The following TAF4 variants were observed in gnomAD, a reference collection of about 807,000 sequenced individuals.
TAF4 encodes the protein transcription initiation factor TFIID subunit 4.
Under a neutral mutation model 90.3 loss-of-function variants are expected in TAF4, and 9 were observed. The observed-to-expected ratio is 0.10, with a 90% confidence interval of 0.06 to 0.17. The LOEUF (loss-of-function observed/expected upper bound fraction) is 0.17. Among genes scored for constraint, TAF4 ranks in the 10% least tolerant of loss-of-function variants. The probability of loss-of-function intolerance (pLI) is 1.00; values close to 1 mark genes in which losing one functional copy is unlikely to be tolerated. For synonymous variants in TAF4, 818 were observed against 638.9 expected (o/e 1.28, Z -4.23); for missense variants, 1,351 against 1,370.7 (o/e 0.99, Z 0.23).
intron 1 of TAF4, among the ~76,000 whole-genome samples, chr20:62,040,082 TAA>T (rs2055955232): frequency 1.3e-5 from 2 of 152,216 alleles, no homozygotes; most frequent in African/African-American, 4.8e-5. Context: ...CTTCAGAAAT[TAA>T]TATTCATTTG....
chr20:62,028,523 G>A (rs1328910198), intron 1 of TAF4, among the ~76,000 whole-genome samples: 5 of 152,120 alleles, frequency 3.3e-5, no homozygotes, highest in African/African-American at 7.2e-5. Flanking sequence ...ATGTGCGTAC[G>A]GGGCCCTGGA....
In TAF4 at chr20:62,006,781, G is replaced by C. The variant is rs2055748931; in HGVS notation, c.1975-23C>G. 1.4e-6 allele frequency: 2 copies of C among 1,456,790 alleles called. No homozygotes were observed. Among genetic ancestry groups the C allele is most frequent in the Non-Finnish European group, 1.8e-6 (2 of 1,095,752 alleles). The allele number at this position is 1,456,790 out of a possible 1,614,324, so 90.2% of individuals were successfully genotyped here. On this transcript the variant is annotated intron_variant, in intron 6 of 14. Coordinates refer to ENST00000252996, the MANE Select transcript of TAF4 (RefSeq NM_003185.4). The surrounding 1 kb of genome is among the most constrained non-coding windows in gnomAD (Gnocchi z 7.0). ...CCTCTGGGTGGAAAGACAGACACGA[G>C]GGGTCAGGCGGCTGCTCATGCGTCG...
At chr20:62,021,131 C>G (rs909856373) in intron 1 of TAF4, among the ~76,000 whole-genome samples, 5 of 152,178 alleles carry the variant, frequency 3.3e-5, no homozygotes, top group African/African-American at 1.2e-4. Flanking sequence ...GGGAAATTAC[C>G]TTCCACCTGG....
chr20:62,031,718 G>A (rs528991003), intron 1 of TAF4, among the ~76,000 whole-genome samples: 1 of 152,116 alleles, frequency 6.6e-6, no homozygotes, highest in South Asian at 2.1e-4. Context: ...ACTTTTCTTA[G>A]TCACCGTAAG....
intron 1 of TAF4, among the ~76,000 whole-genome samples, chr20:62,052,720 A>G (rs1443142415): frequency 1.2e-5 from 1 of 84,028 alleles, no homozygotes; most frequent in African/African-American, 4.9e-5. Flanking sequence ...CACCCCCCAC[A>G]CCCCAGGTCC....
intron 1 of TAF4, among the ~76,000 whole-genome samples, chr20:62,025,707 C>G (rs974675491): frequency 2.0e-5 from 3 of 152,222 alleles, no homozygotes; most frequent in Non-Finnish European, 4.4e-5. Context: ...AACCTCTTTC[C>G]TTTATAAGTC....
In TAF4 at chr20:62,006,364, A is replaced by G; in HGVS notation, c.2223+146T>C. On this transcript the variant is annotated intron_variant, in intron 7 of 14. Transcript: ENST00000252996. This position sits in a 1 kb window ranked among gnomAD's most constrained non-coding sequence, Gnocchi z 7.0. ...TCAACCTCTGGTTTCTATTTTAACTATTTAAGGTAATACCCAAGCTTCCTC... is the reference window on the plus strand; with the variant it reads ...TCAACCTCTGGTTTCTATTTTAACTGTTTAAGGTAATACCCAAGCTTCCTC... 4 of 1,103,084 alleles carry G rather than the reference A, an allele frequency of 3.6e-6. No individual in the cohort carries two copies. Among genetic ancestry groups the G allele is most frequent in the Admixed American group, 4.0e-5 (1 of 25,036 alleles). 68.3% of individuals were successfully genotyped at this position (1,103,084 alleles called of 1,614,324 possible).
intron 1 of TAF4, among the ~76,000 whole-genome samples, chr20:62,019,519 T>C (rs2123158885): frequency 6.6e-6 from 1 of 152,330 alleles, no homozygotes; most frequent in East Asian, 1.9e-4. Context: ...CTCTCCACTC[T>C]CCCAGCGGTT....
chr20:62,036,019 ATTTC>A (rs1341993162), intron 1 of TAF4, among the ~76,000 whole-genome samples: 3 of 150,672 alleles, frequency 2.0e-5, no homozygotes, highest in African/African-American at 7.4e-5. Context: ...AATTAATCAA[ATTTC>A]TTTTTTTTTT....
intron 1 of TAF4, among the ~76,000 whole-genome samples, chr20:62,057,299 T>C (rs1332090526): frequency 2.0e-5 from 3 of 152,248 alleles, no homozygotes; most frequent in Non-Finnish European, 2.9e-5. Context: ...TGGCTCCTAG[T>C]GTCCTGCCTT....
intron 13 of TAF4, among the ~76,000 whole-genome samples, chr20:61,997,886 C>T (rs1422004483): frequency 3.3e-5 from 5 of 152,112 alleles, no homozygotes; most frequent in Non-Finnish European, 5.9e-5. Context: ...AGAAAATATA[C>T]GCAAGTCAAA....
intron 12 of TAF4, among the ~76,000 whole-genome samples, 196 bp downstream of exon 12, chr20:61,998,787 C>T (rs1369550172): frequency 6.6e-6 from 1 of 152,198 alleles, no homozygotes; most frequent in African/African-American, 2.4e-5. Context: ...AGAAGCCCCG[C>T]TTTTCAAGCA....
chr20:62,006,570 C>A lies in TAF4; in HGVS notation c.2163G>T (p.Val721=). 6.3e-7 allele frequency: 1 copy of A among 1,592,450 alleles called. No individual in the cohort carries two copies. Among genetic ancestry groups the A allele is most frequent in the South Asian group, 1.1e-5 (1 of 88,980 alleles). Reference sequence around the variant, plus strand: ...CCTGCGTGGGCTGCGTGAGGCTGAGCACAGGGGGCTGGAGGGCACTGGTCA... The same window carrying A: ...CCTGCGTGGGCTGCGTGAGGCTGAGAACAGGGGGCTGGAGGGCACTGGTCA... ...ATVTSALQPP[V]LSLTQPTQVG... is the part of the protein sequence containing the mutation. The change falls in exon 7 of 15, where the codon GTG becomes GTT. Residue 721 remains valine, a synonymous_variant. Coordinates refer to ENST00000252996, the MANE Select transcript of TAF4 (RefSeq NM_003185.4). This position sits in a 1 kb window ranked among gnomAD's most constrained non-coding sequence, Gnocchi z 7.0.
intron 14 of TAF4, among the ~76,000 whole-genome samples, chr20:61,976,789 G>T (rs1697528116): frequency 6.6e-6 from 1 of 152,218 alleles, no homozygotes; most frequent in South Asian, 2.1e-4. Flanking sequence ...GGGGTTGGCT[G>T]GGACTGGGCA....
chr20:62,020,955 G>A (rs1043385068), intron 1 of TAF4, among the ~76,000 whole-genome samples: 1 of 152,072 alleles, frequency 6.6e-6, no homozygotes, highest in African/African-American at 2.4e-5. Context: ...GGAAGGAGGC[G>A]CACACCAGCC....
chr20:62,062,461 T>C (rs2056094758), intron 1 of TAF4, among the ~76,000 whole-genome samples: 1 of 152,058 alleles, frequency 6.6e-6, no homozygotes, highest in Non-Finnish European at 1.5e-5. Context: ...TCCTCATCAG[T>C]AGATCAACTG....
At chr20:61,990,404 T>C (rs2055624012) in intron 14 of TAF4, among the ~76,000 whole-genome samples, 1 of 152,212 alleles carries the variant, frequency 6.6e-6, no homozygotes, top group Non-Finnish European at 1.5e-5. Flanking sequence ...GCATAGTTTC[T>C]GGATCTTCCC....
At chr20:61,977,591 C>CTTTTCTTTATT (rs1372507356) in intron 14 of TAF4, among the ~76,000 whole-genome samples, 2 of 152,108 alleles carry the variant, frequency 1.3e-5, no homozygotes, top group Admixed American at 6.5e-5. Context: ...GTGTCTCTGA[C>CTTTTCTTTATT]CCACTGCATT....
chr20:62,055,295 G>A (rs572384528), intron 1 of TAF4, among the ~76,000 whole-genome samples: 19 of 150,232 alleles, frequency 1.3e-4, no homozygotes, highest in Admixed American at 4.0e-4. Flanking sequence ...CGCTGCCTGC[G>A]GGCGGTCCTG....
Sources: gnomAD v4.1 joint callset for allele counts (sites outside exome capture counted in the v4.1 genomes callset) on GRCh38, gnomAD v4.1.1 for gene constraint, Gnocchi (gnomAD v3.1) non-coding constraint, MANE v1.5 for transcripts, NCBI Gene and HGNC (gene_info 2026-07-23, HGNC 2026-07-21) for gene names.